SKAP1: variants seen among roughly 807,000 people sequenced by gnomAD.
The protein encoded by SKAP1 is src kinase-associated phosphoprotein 1.
A neutral mutation model predicts 58.5 loss-of-function variants in SKAP1; 44 were observed. The observed-to-expected ratio is 0.75, with a 90% confidence interval of 0.59 to 0.97. The LOEUF (loss-of-function observed/expected upper bound fraction) is 0.97. Among genes scored for constraint, SKAP1 ranks in the 50% least tolerant of loss-of-function variants. The pLI is 0.00. For synonymous variants in SKAP1, 127 were observed against 149.7 expected (o/e 0.85, Z 1.11); for missense variants, 390 against 435.2 (o/e 0.90, Z 0.92).
intron 4 of SKAP1, among the ~76,000 whole-genome samples, chr17:48,315,510 C>T (rs1411764554): frequency 6.6e-6 from 1 of 152,148 alleles, no homozygotes; most frequent in East Asian, 1.9e-4. Context: ...TCATGTAGAA[C>T]AGTGATTTTC....
At chr17:48,334,134 C>CA (rs1555616556) in intron 4 of SKAP1, among the ~76,000 whole-genome samples, 1 of 151,846 alleles carries the variant, frequency 6.6e-6, no homozygotes, top group Non-Finnish European at 1.5e-5. Context: ...TCTGATACCC[C>CA]AAGAGACCCT....
intron 4 of SKAP1, among the ~76,000 whole-genome samples, chr17:48,277,164 G>A (rs1301031730): frequency 2.6e-5 from 4 of 152,166 alleles, no homozygotes; most frequent in Admixed American, 2.0e-4. Flanking sequence ...AAAATTAAGA[G>A]AATGCTTTCA....
chr17:48,259,030 T>C (rs113386126), intron 4 of SKAP1, among the ~76,000 whole-genome samples: 212 of 152,156 alleles, frequency 1.4e-3, no homozygotes, highest in African/African-American at 4.9e-3. Flanking sequence ...TGTATGAAAA[T>C]TGAGAAAAAT....
chr17:48,297,509 G>C (rs2065994842), intron 4 of SKAP1, among the ~76,000 whole-genome samples: 2 of 152,294 alleles, frequency 1.3e-5, no homozygotes, highest in Admixed American at 1.3e-4. Flanking sequence ...TCTAAAACAA[G>C]TGTTCACTTT....
chr17:48,140,390 T>C (rs755482722), intron 11 of SKAP1, among the ~76,000 whole-genome samples: 13 of 152,244 alleles, frequency 8.5e-5, no homozygotes, highest in Non-Finnish European at 1.3e-4. Flanking sequence ...AGGCTCATCT[T>C]GCTCAATTCT....
In SKAP1 at chr17:48,276,294, T is replaced by C. The variant is rs111556358; in HGVS notation, c.280+69611A>G. 4.0e-3 allele frequency among the ~76,000 whole-genome samples: 616 copies of C among 152,354 alleles called. 8 individuals are homozygous for C. Among genetic ancestry groups the C allele is most frequent in the African/African-American group, 0.014 (590 of 41,578 alleles). On this transcript the variant is annotated intron_variant, in intron 4 of 12. Coordinates refer to ENST00000336915, the MANE Select transcript of SKAP1 (RefSeq NM_003726.4). ...TTATTTGGTTAAATCTTACTTATCC[T>C]TCAAGATTTGGCTAAATGTCTTCTC...
intron 4 of SKAP1, among the ~76,000 whole-genome samples, chr17:48,342,120 C>T (rs1482732903): frequency 6.6e-6 from 1 of 152,146 alleles, no homozygotes; most frequent in African/African-American, 2.4e-5. Flanking sequence ...TTTGTAGTTG[C>T]CTGGCTCTTG....
intron 1 of SKAP1, among the ~76,000 whole-genome samples, chr17:48,423,321 CT>C (rs2067817649): frequency 6.6e-6 from 1 of 152,078 alleles, no homozygotes; most frequent in Non-Finnish European, 1.5e-5. Context: ...TTTTTAGAGG[CT>C]TAGTTGAGGG....
At position 48,216,720 on chromosome 17, in the gene SKAP1, G is replaced by A. The variant is rs951141197; in HGVS notation, c.281-27220C>T. Among the ~76,000 whole-genome samples the A allele has an allele frequency of 2.0e-5, 3 of 152,076 alleles. No individual in the cohort carries two copies. In the East Asian group the frequency reaches 5.8e-4, roughly 29 times the overall value. On this transcript the variant is annotated intron_variant, in intron 4 of 12. Transcript: ENST00000336915. Reference sequence around the variant, plus strand: ...TTATCTAGGCTAGTCTCGAACTCCTGAGCTCAAGCGATTCAACCACCTCGG... The same window carrying A: ...TTATCTAGGCTAGTCTCGAACTCCTAAGCTCAAGCGATTCAACCACCTCGG...
At chr17:48,141,964 G>T (rs2063772853) in intron 11 of SKAP1, among the ~76,000 whole-genome samples, 1 of 152,084 alleles carries the variant, frequency 6.6e-6, no homozygotes, top group African/African-American at 2.4e-5. Flanking sequence ...GACTGTGTGG[G>T]GTCCCGGTTA....
chr17:48,178,172 A>G (rs2064317416), intron 9 of SKAP1, among the ~76,000 whole-genome samples: 1 of 152,178 alleles, frequency 6.6e-6, no homozygotes. Context: ...GTAAGGTGAC[A>G]GTCCCAAACT....
intron 11 of SKAP1, among the ~76,000 whole-genome samples, chr17:48,155,702 C>G (rs2063967038): frequency 6.6e-6 from 1 of 152,018 alleles, no homozygotes; most frequent in Admixed American, 6.5e-5. Context: ...ACTAAAAATA[C>G]AAAAATTAGC....
At chr17:48,419,578 C>T (rs949544175) in intron 1 of SKAP1, among the ~76,000 whole-genome samples, 4 of 152,168 alleles carry the variant, frequency 2.6e-5, no homozygotes, top group East Asian at 3.9e-4. Flanking sequence ...CCACCATGCC[C>T]GGCCAGAAAA....
At chr17:48,339,840 T>C (rs2066624132) in intron 4 of SKAP1, among the ~76,000 whole-genome samples, 1 of 152,154 alleles carries the variant, frequency 6.6e-6, no homozygotes, top group South Asian at 2.1e-4. Flanking sequence ...CTCACAATAA[T>C]GGGGATCTCA....
intron 4 of SKAP1, among the ~76,000 whole-genome samples, chr17:48,267,041 A>G (rs189669180): frequency 2.0e-3 from 306 of 152,190 alleles, no homozygotes; most frequent in Admixed American, 3.7e-3. Context: ...ATAGAATATC[A>G]TTTTATCATG....
intron 4 of SKAP1, among the ~76,000 whole-genome samples, chr17:48,314,465 C>A (rs2066263683): frequency 6.6e-6 from 1 of 152,046 alleles, no homozygotes; most frequent in South Asian, 2.1e-4. Flanking sequence ...CTGTATCCTG[C>A]ATTTTATTAT....
intron 4 of SKAP1, among the ~76,000 whole-genome samples, chr17:48,316,987 C>T (rs116986244): frequency 0.044 from 6,725 of 152,268 alleles, 313 homozygotes; most frequent in South Asian, 0.25. Context: ...CTTATCACAT[C>T]CAACATGTGG....
chr17:48,139,338 C>T (rs7220619), intron 11 of SKAP1, among the ~76,000 whole-genome samples: 83,775 of 151,126 alleles, frequency 0.55, 24,228 homozygotes, highest in East Asian at 0.76. Context: ...TGCACCACCA[C>T]GCCCAGCTAA....
At chr17:48,417,744 C>CAA (rs57181313) in intron 1 of SKAP1, among the ~76,000 whole-genome samples, 24 of 114,496 alleles carry the variant, frequency 2.1e-4, no homozygotes, top group East Asian at 1.3e-3. Flanking sequence ...GACTTCGTCT[C>CAA]AAAAAAAAAA....
Sources: allele counts gnomAD v4.1 joint callset (sites outside exome capture counted in the v4.1 genomes callset), GRCh38; gene constraint gnomAD v4.1.1; transcripts MANE v1.5; gene names NCBI Gene and HGNC (gene_info 2026-07-23, HGNC 2026-07-21).